Variants in HSD17B12 observed in about 807,000 individuals in gnomAD.
The protein encoded by HSD17B12 is very-long-chain 3-oxoacyl-CoA reductase.
Under a neutral mutation model 39.3 loss-of-function variants are expected in HSD17B12, and 32 were observed. That is an observed-to-expected ratio of 0.81 (90% CI 0.61 to 1.09). The LOEUF (loss-of-function observed/expected upper bound fraction) is 1.09, where lower values mean the gene tolerates loss of function less well. HSD17B12 is among the 50% of genes least tolerant of loss of function. The pLI, the probability that HSD17B12 is intolerant of heterozygous loss-of-function variation, is 0.00. For missense variants in HSD17B12, 342 were observed against 382.9 expected, an observed-to-expected ratio of 0.89 and a Z score of 0.89; for synonymous variants, 150 against 146.7, an observed-to-expected ratio of 1.02 and a Z score of -0.16.
chr11:43,684,613 T>A (rs1318328869), intron 1 of HSD17B12, among the ~76,000 whole-genome samples: 1 of 152,246 alleles, frequency 6.6e-6, no homozygotes, highest in Non-Finnish European at 1.5e-5. Context: ...TTTTAGTTTT[T>A]AATGAAGAGG....
chr11:43,571,826 C>T, the HSD17B12 span, among the ~76,000 whole-genome samples: 5 of 152,078 alleles, frequency 3.3e-5, no homozygotes, highest in African/African-American at 9.7e-5. Context: ...TTTCCAAGAC[C>T]GAATATACTT....
At chr11:43,655,890 C>A in the HSD17B12 span, among the ~76,000 whole-genome samples, 3 of 151,894 alleles carry the variant, frequency 2.0e-5, no homozygotes, top group Non-Finnish European at 2.9e-5. Flanking sequence ...TCTCCGTCAG[C>A]CTTTGGTATC....
intron 1 of HSD17B12, among the ~76,000 whole-genome samples, chr11:43,688,398 T>C (rs1949821949): frequency 6.6e-6 from 1 of 152,176 alleles, no homozygotes; most frequent in African/African-American, 2.4e-5. Context: ...ATTGAAACAC[T>C]GAAACTAGGT....
the HSD17B12 span, among the ~76,000 whole-genome samples, chr11:43,597,466 A>G: frequency 6.6e-6 from 1 of 152,194 alleles, no homozygotes. Flanking sequence ...ACTTTGGACT[A>G]ATTTTTGAAG....
chr11:43,557,290 C>G, the HSD17B12 span, among the ~76,000 whole-genome samples: 5 of 152,122 alleles, frequency 3.3e-5, no homozygotes, highest in Non-Finnish European at 7.3e-5. Context: ...TGTGCTTCTG[C>G]CACTTGGCCA....
chr11:43,626,966 G>A, the HSD17B12 span, among the ~76,000 whole-genome samples: 43 of 152,080 alleles, frequency 2.8e-4, no homozygotes, highest in African/African-American at 9.4e-4. Flanking sequence ...AAAAGTTAAG[G>A]AGGGGCAGCT....
At chr11:43,792,514 C>T (rs1950876929) in intron 3 of HSD17B12, among the ~76,000 whole-genome samples, 1 of 152,004 alleles carries the variant, frequency 6.6e-6, no homozygotes, top group African/African-American at 2.4e-5. Flanking sequence ...ACTAAAATAT[C>T]CTCAACCTTC....
chr11:43,767,779 A>G (rs1950608891), intron 3 of HSD17B12, among the ~76,000 whole-genome samples: 1 of 152,330 alleles, frequency 6.6e-6, no homozygotes. Context: ...GCCACTAAGA[A>G]TAGAAAAAAT....
intron 1 of HSD17B12, among the ~76,000 whole-genome samples, chr11:43,703,296 G>A (rs1445469898): frequency 8.6e-5 from 13 of 151,776 alleles, no homozygotes; most frequent in South Asian, 2.1e-4. Flanking sequence ...CCGGGTTCAC[G>A]CCATTCTCCT....
chr11:43,743,855 G>C (rs1343555707), intron 1 of HSD17B12, among the ~76,000 whole-genome samples: 1 of 152,140 alleles, frequency 6.6e-6, no homozygotes, highest in Non-Finnish European at 1.5e-5. Context: ...AAGGAACTTA[G>C]AGGAACAAAA....
chr11:43,811,170 A>C (rs1174383546), intron 4 of HSD17B12, among the ~76,000 whole-genome samples: 1 of 152,194 alleles, frequency 6.6e-6, no homozygotes, highest in African/African-American at 2.4e-5. Context: ...CTGACGTCTC[A>C]AAATAAAATT....
chr11:43,562,767 A>G, the HSD17B12 span, among the ~76,000 whole-genome samples: 1 of 152,188 alleles, frequency 6.6e-6, no homozygotes, highest in African/African-American at 2.4e-5. Flanking sequence ...ACTGAAAGCC[A>G]TTGGCCCTAC....
At position 43,823,060 on chromosome 11, in the gene HSD17B12, G is replaced by T. The variant is rs553363164; in HGVS notation, c.501+6669G>T. On this transcript the variant is annotated intron_variant, in intron 6 of 10. Transcript: ENST00000278353. ...ATTAATTTAATTTTTTACTTTTTTT[G>T]GGGGGGTCAGTATAAGACTTAAAGC... Among the ~76,000 whole-genome samples, 241 of 151,252 alleles carry T rather than the reference G, an allele frequency of 1.6e-3. 1 individual carries two copies. The highest frequency in any genetic ancestry group is 5.6e-3 in the African/African-American group (229 of 41,258).
chr11:43,590,627 T>C, the HSD17B12 span, among the ~76,000 whole-genome samples: 1 of 148,770 alleles, frequency 6.7e-6, no homozygotes, highest in African/African-American at 2.5e-5. Context: ...GCCTTAGCCT[T>C]AGCCTCCTGA....
chr11:43,653,198 T>TA, the HSD17B12 span, among the ~76,000 whole-genome samples: 1 of 152,118 alleles, frequency 6.6e-6, no homozygotes. Flanking sequence ...TAACAAGGGA[T>TA]ATGGGAGTTA....
intron 1 of HSD17B12, among the ~76,000 whole-genome samples, chr11:43,681,832 C>CT (rs978058776): frequency 2.2e-4 from 32 of 143,258 alleles, no homozygotes; most frequent in African/African-American, 8.0e-4. Flanking sequence ...GCTCCCCCCC[C>CT]CCTTTTTTTT....
At position 43,855,130 on chromosome 11, in the gene HSD17B12, T is replaced by C; in HGVS notation, c.835-14T>C. The C allele has an allele frequency of 2.6e-6, 4 of 1,531,400 alleles. No individual in the cohort carries two copies. Among genetic ancestry groups the C allele is most frequent in the Non-Finnish European group, 3.6e-6 (4 of 1,113,494 alleles). The allele number at this position is 1,531,400 out of a possible 1,614,324, so 94.9% of individuals were successfully genotyped here. A position where few individuals can be genotyped will look rare whatever the true frequency, so the allele number is the denominator to read the frequency against. Reference sequence around the variant, plus strand: ...AGGCTATAATTACATATCTCTCTCATTCTGTTTCCCTAGGGCTCGATAATC... The same window carrying C: ...AGGCTATAATTACATATCTCTCTCACTCTGTTTCCCTAGGGCTCGATAATC... On this transcript the variant is annotated splice_polypyrimidine_tract_variant and intron_variant, in intron 10 of 10. Transcript: ENST00000278353.
At chr11:43,656,032 T>A in the HSD17B12 span, among the ~76,000 whole-genome samples, 1 of 152,178 alleles carries the variant, frequency 6.6e-6, no homozygotes, top group Non-Finnish European at 1.5e-5. Flanking sequence ...ATCCATCTGG[T>A]CCTGGACTTT....
At position 43,680,764 on chromosome 11, in the gene HSD17B12, C is replaced by T. The variant is rs1949734402; in HGVS notation, c.-64C>T. ...TCATCCTCACCGTCACGGCCGGCGC[C>T]TCCTCCTGGATTCATTCACTCGCTC... On this transcript the variant is annotated 5_prime_UTR_variant, in exon 1 of 11. Coordinates refer to ENST00000278353, the MANE Select transcript of HSD17B12 (RefSeq NM_016142.3). The T allele has an allele frequency of 3.4e-6, 5 of 1,467,326 alleles. No homozygotes were observed. The highest frequency in any genetic ancestry group is 4.8e-6 in the Non-Finnish European group (5 of 1,047,528). 90.9% of individuals were successfully genotyped at this position (1,467,326 alleles called of 1,614,324 possible).
Sources: gnomAD v4.1 joint callset for allele counts (sites outside exome capture counted in the v4.1 genomes callset) on GRCh38, gnomAD v4.1.1 for gene constraint, MANE v1.5 for transcripts, NCBI Gene and HGNC (gene_info 2026-07-23, HGNC 2026-07-21) for gene names.